Variants in NR2F1-AS1 observed in about 807,000 individuals in gnomAD.
NR2F1-AS1 encodes the protein NR2F1 antisense RNA 1.
At chr5:93,445,923 C>G (rs907042840) in intron 4 of NR2F1-AS1, among the ~76,000 whole-genome samples, 28 of 152,162 alleles carry the variant, frequency 1.8e-4, no homozygotes, top group Admixed American at 1.8e-3. Flanking sequence ...TGTAATCCAT[C>G]ATATAAACAG....
chr5:93,470,158 T>C (rs1349424413), intron 4 of NR2F1-AS1, among the ~76,000 whole-genome samples: 1 of 151,956 alleles, frequency 6.6e-6, no homozygotes, highest in Non-Finnish European at 1.5e-5. Flanking sequence ...TTGATGTTAA[T>C]GAAATATAAC....
intron 2 of NR2F1-AS1, among the ~76,000 whole-genome samples, chr5:93,555,898 T>C (rs977741909): frequency 6.6e-6 from 1 of 152,226 alleles, no homozygotes; most frequent in Admixed American, 6.5e-5. Flanking sequence ...GTCATGTTTT[T>C]CTTCTTGTCA....
rs1185794605 is a variant in NR2F1-AS1, at chr5:93,506,608, G to A, written n.638+47153C>T. ...TTACATGGCAGCAGCAAGATAAAAT[G>A]AGGAACAAGCAAGCCCATCATATTT... On this transcript the variant is annotated intron_variant and non_coding_transcript_variant, in intron 4 of 5. Coordinates refer to ENST00000660523, the Ensembl canonical transcript of NR2F1-AS1. Among the ~76,000 whole-genome samples the A allele has an allele frequency of 2.6e-5, 4 of 152,288 alleles. No homozygotes were observed. In the East Asian group the frequency reaches 7.7e-4, roughly 29 times the overall value.
chr5:93,471,678 T>C (rs1222819130), intron 4 of NR2F1-AS1, among the ~76,000 whole-genome samples: 1 of 151,832 alleles, frequency 6.6e-6, no homozygotes, highest in African/African-American at 2.4e-5. Flanking sequence ...AAACAAAGAT[T>C]GTTAGAAGCC....
At position 93,556,019 on chromosome 5, in the gene NR2F1-AS1, A is replaced by C. The variant is rs192896916; in HGVS notation, n.414-1024T>G. Among the ~76,000 whole-genome samples the C allele has an allele frequency of 5.6e-3, 847 of 152,246 alleles. 7 individuals are homozygous for C. The highest frequency in any genetic ancestry group is 0.019 in the African/African-American group (786 of 41,530). On this transcript the variant is annotated intron_variant and non_coding_transcript_variant, in intron 2 of 5. Transcript: ENST00000660523. ...TTAACCCTAAAGAGCCTCACCCAGG[A>C]TCCCTTGACAATATAACTGAGCCCA... is the stretch of plus-strand genomic sequence containing the variant.
chr5:93,490,919 A>G (rs1483611345), intron 4 of NR2F1-AS1, among the ~76,000 whole-genome samples: 67 of 76,270 alleles, frequency 8.8e-4, no homozygotes, highest in Middle Eastern at 0.014. Flanking sequence ...TGGTGATGGG[A>G]GTGGTGGTGA....
At chr5:93,478,162 A>G (rs1478561172) in intron 4 of NR2F1-AS1, among the ~76,000 whole-genome samples, 3 of 152,286 alleles carry the variant, frequency 2.0e-5, no homozygotes, top group South Asian at 4.1e-4. Context: ...TTCATGACCC[A>G]CCCACAGATT....
chr5:93,448,114 G>T (rs1749754899), intron 4 of NR2F1-AS1, among the ~76,000 whole-genome samples: 2 of 151,932 alleles, frequency 1.3e-5, no homozygotes. Context: ...CAAGTTAATG[G>T]GTACAGCACA....
At chr5:93,584,457 G>C (rs1379103854), upstream of NR2F1-AS1, 1 of 149,570 alleles carries the variant, frequency 6.7e-6, no homozygotes, top group East Asian at 1.9e-4. Context: ...GTGTGTGCGC[G>C]GGGGTGCGGG....
At chr5:93,486,699 G>A (rs1368234905) in intron 4 of NR2F1-AS1, among the ~76,000 whole-genome samples, 9 of 152,094 alleles carry the variant, frequency 5.9e-5, no homozygotes, top group African/African-American at 2.2e-4. Flanking sequence ...CCTTCTGAAA[G>A]TATTCCAAAC....
chr5:93,519,326 T>A (rs1751456294), intron 4 of NR2F1-AS1, among the ~76,000 whole-genome samples: 1 of 152,058 alleles, frequency 6.6e-6, no homozygotes, highest in Non-Finnish European at 1.5e-5. Context: ...AACTTCTCTT[T>A]CTTTTTGGCC....
intron 4 of NR2F1-AS1, among the ~76,000 whole-genome samples, chr5:93,516,283 G>A (rs1751400296): frequency 6.6e-6 from 1 of 151,814 alleles, no homozygotes; most frequent in Admixed American, 6.6e-5. Flanking sequence ...AACATGACCT[G>A]AAATCTATGG....
At chr5:93,436,908 A>G (rs1749443938) in intron 4 of NR2F1-AS1, among the ~76,000 whole-genome samples, 1 of 151,924 alleles carries the variant, frequency 6.6e-6, no homozygotes. Context: ...TACAACCTAC[A>G]GCCCTAATTT....
At chr5:93,560,294 A>C (rs962210290) in intron 2 of NR2F1-AS1, among the ~76,000 whole-genome samples, 1 of 152,232 alleles carries the variant, frequency 6.6e-6, no homozygotes, top group Non-Finnish European at 1.5e-5. Context: ...TGTAAGAACA[A>C]AAGTCTTGTT....
At position 93,573,724 on chromosome 5, in the gene NR2F1-AS1, G is replaced by A. The variant is rs1176924379; in HGVS notation, n.313+6743C>T. Reference sequence around the variant, plus strand: ...TTTATCGCCTCAGCACAGCACGCACGGGACGCTGTCTCTCCAAGCGATTTG... The same window carrying A: ...TTTATCGCCTCAGCACAGCACGCACAGGACGCTGTCTCTCCAAGCGATTTG... On this transcript the variant is annotated intron_variant and non_coding_transcript_variant, in intron 1 of 5. Transcript: ENST00000660523. Among the ~76,000 whole-genome samples the A allele has an allele frequency of 2.0e-5, 3 of 152,250 alleles. No homozygotes were observed. The East Asian group carries it at 5.8e-4, about 29-fold the overall frequency.
chr5:93,559,709 C>T (rs1294846451), intron 2 of NR2F1-AS1, among the ~76,000 whole-genome samples: 1 of 152,026 alleles, frequency 6.6e-6, no homozygotes. Flanking sequence ...ATAGGGTGGC[C>T]CAAGGAGAGA....
intron 4 of NR2F1-AS1, among the ~76,000 whole-genome samples, chr5:93,527,756 C>T (rs927537778): frequency 1.3e-5 from 2 of 152,178 alleles, no homozygotes; most frequent in South Asian, 2.1e-4. Context: ...AAAGGACTCC[C>T]TATTTAATAA....
intron 4 of NR2F1-AS1, among the ~76,000 whole-genome samples, chr5:93,480,774 T>A (rs1561460137): frequency 6.6e-6 from 1 of 152,078 alleles, no homozygotes; most frequent in African/African-American, 2.4e-5. Flanking sequence ...AGGAGCAGAA[T>A]TAATGTATGC....
chr5:93,552,006 GA>G (rs1289466958), intron 4 of NR2F1-AS1, among the ~76,000 whole-genome samples: 1 of 152,142 alleles, frequency 6.6e-6, no homozygotes, highest in Non-Finnish European at 1.5e-5. Flanking sequence ...CCAACTGCTA[GA>G]ATCACCTTTT....
Sources: gnomAD v4.1 joint callset for allele counts (sites outside exome capture counted in the v4.1 genomes callset) on GRCh38, gnomAD v4.1.1 for gene constraint, MANE v1.5 for transcripts, NCBI Gene and HGNC (gene_info 2026-07-23, HGNC 2026-07-21) for gene names.